The following SLC25A21 variants were observed in gnomAD, a reference collection of about 807,000 sequenced individuals.
SLC25A21 encodes the protein mitochondrial 2-oxodicarboxylate carrier.
SLC25A21 carries 47 observed loss-of-function variants against 43.8 expected under a neutral mutation model. The ratio of observed to expected loss-of-function variants is 1.07; its 90% CI spans 0.85 to 1.37. The LOEUF is 1.37. Ranked by LOEUF, SLC25A21 falls within the 40% of genes most tolerant of loss-of-function variation. The pLI is 0.00. For synonymous variants in SLC25A21, 131 were observed against 121.3 expected, an observed-to-expected ratio of 1.08 and a Z score of -0.52; for missense variants, 352 against 350.2, an observed-to-expected ratio of 1.00 and a Z score of -0.04.
At chr14:37,153,566 G>A (rs1167507760) in intron 1 of SLC25A21, among the ~76,000 whole-genome samples, 1 of 152,224 alleles carries the variant, frequency 6.6e-6, no homozygotes, top group Non-Finnish European at 1.5e-5. Flanking sequence ...AGGGTAGGGG[G>A]TGAACCCCCA....
chr14:36,974,569 G>A (rs1008428490), intron 1 of SLC25A21, among the ~76,000 whole-genome samples: 1 of 152,110 alleles, frequency 6.6e-6, no homozygotes, highest in South Asian at 2.1e-4. Context: ...GGGCCATTTT[G>A]AAATCCAATT....
At chr14:36,715,175 T>G (rs1884071353) in intron 6 of SLC25A21, among the ~76,000 whole-genome samples, 1 of 152,224 alleles carries the variant, frequency 6.6e-6, no homozygotes, top group Non-Finnish European at 1.5e-5. Flanking sequence ...TATATTTTTC[T>G]GGCAAATGGA....
intron 1 of SLC25A21, among the ~76,000 whole-genome samples, chr14:37,136,620 T>C (rs915183409): frequency 2.6e-5 from 4 of 152,176 alleles, no homozygotes; most frequent in African/African-American, 9.7e-5. Context: ...ATAGCAGCAT[T>C]ATTCATAATT....
Position 37,154,782 on chromosome 14 carries a change from A to G in SLC25A21, c.70+17499T>C, listed in dbSNP as rs150950636. ...CTCAGCCTCCCGAGTAGCTAGGATTACAGGCATGCACCACCACACCCAGCT... is the reference window on the plus strand; with the variant it reads ...CTCAGCCTCCCGAGTAGCTAGGATTGCAGGCATGCACCACCACACCCAGCT... On this transcript the variant is annotated intron_variant, in intron 1 of 9. Coordinates refer to ENST00000331299, the MANE Select transcript of SLC25A21 (RefSeq NM_030631.4). 2.3e-3 allele frequency among the ~76,000 whole-genome samples: 353 copies of G among 151,152 alleles called. 1 individual carries two copies. The highest frequency in any genetic ancestry group is 8.2e-3 in the African/African-American group (336 of 41,204).
At chr14:37,014,146 T>A (rs142698207) in intron 1 of SLC25A21, among the ~76,000 whole-genome samples, 2 of 152,266 alleles carry the variant, frequency 1.3e-5, no homozygotes, top group African/African-American at 4.8e-5. Context: ...TTGGGGCAGC[T>A]GTGGCAGTTT....
intron 8 of SLC25A21, 131 bp downstream of exon 8, chr14:36,684,613 A>T: frequency 1.3e-6 from 1 of 766,830 alleles, no homozygotes. Context: ...TTTGTCATAT[A>T]TATTCGCAGT....
At chr14:36,736,178 G>T (rs867961378) in intron 3 of SLC25A21, among the ~76,000 whole-genome samples, 1 of 151,918 alleles carries the variant, frequency 6.6e-6, no homozygotes, top group South Asian at 2.1e-4. Flanking sequence ...CTCGTGATCC[G>T]CCTGCCTTGG....
At chr14:36,793,485 G>A (rs2138404994) in intron 3 of SLC25A21, among the ~76,000 whole-genome samples, 1 of 144,648 alleles carries the variant, frequency 6.9e-6, no homozygotes, top group Non-Finnish European at 1.5e-5. Context: ...AATAGAAGAA[G>A]CCTCTCCCAT....
intron 1 of SLC25A21, among the ~76,000 whole-genome samples, chr14:37,050,587 T>C (rs988482102): frequency 2.0e-5 from 3 of 152,220 alleles, no homozygotes; most frequent in African/African-American, 7.2e-5. Context: ...CCACGTATTC[T>C]AGTGAATGTC....
intron 3 of SLC25A21, among the ~76,000 whole-genome samples, chr14:36,801,974 C>T (rs1887884711): frequency 6.6e-6 from 1 of 152,144 alleles, no homozygotes; most frequent in Non-Finnish European, 1.5e-5. Context: ...CATCATTTGC[C>T]AGCGGCGAAG....
chr14:37,168,879 C>T (rs1964074724), intron 1 of SLC25A21, among the ~76,000 whole-genome samples: 1 of 152,130 alleles, frequency 6.6e-6, no homozygotes, highest in African/African-American at 2.4e-5. Context: ...CATAATCTGG[C>T]CTGAGTCTTG....
intron 1 of SLC25A21, among the ~76,000 whole-genome samples, chr14:36,973,612 C>A (rs962955838): frequency 5.6e-4 from 85 of 152,334 alleles, no homozygotes; most frequent in African/African-American, 1.9e-3. Flanking sequence ...TGGAGCCAAT[C>A]TCCTAGAGTT....
rs915852313 is a variant in SLC25A21, at chr14:36,733,650, A to G, written c.270+857T>C. Among the ~76,000 whole-genome samples, 5 of 152,188 alleles carry G rather than the reference A, an allele frequency of 3.3e-5. No individual in the cohort carries two copies. The South Asian group carries it at 1.0e-3, about 32-fold the overall frequency. ...GGAGTACTGCGAATACATTTCACACACATGAGTAATGTATGTGAAAAAAAA... is the reference window on the plus strand; with the variant it reads ...GGAGTACTGCGAATACATTTCACACGCATGAGTAATGTATGTGAAAAAAAA... On this transcript the variant is annotated intron_variant, in intron 4 of 9. Transcript: ENST00000331299.
Position 36,711,282 on chromosome 14 carries a change from T to C in SLC25A21, c.603+36A>G, listed in dbSNP as rs1883850345. ...AACGGAGCTATCATCACTGATAGGA[T>C]TTTTCCTCCAGGATTTTAATTTATT... is the stretch of plus-strand genomic sequence containing the variant. On this transcript the variant is annotated intron_variant, in intron 7 of 9. Coordinates refer to ENST00000331299, the MANE Select transcript of SLC25A21 (RefSeq NM_030631.4). The C allele has an allele frequency of 1.9e-6, 3 of 1,599,808 alleles. No individual in the cohort carries two copies. In the East Asian group the frequency reaches 6.7e-5, roughly 36 times the overall value.
intron 9 of SLC25A21, among the ~76,000 whole-genome samples, chr14:36,683,334 G>T (rs1298539368): frequency 6.6e-6 from 1 of 152,238 alleles, no homozygotes. Context: ...TAAGCAGCTA[G>T]TTACGGTGTC....
At chr14:37,104,097 T>C (rs1962868184) in intron 1 of SLC25A21, among the ~76,000 whole-genome samples, 1 of 152,184 alleles carries the variant, frequency 6.6e-6, no homozygotes, top group African/African-American at 2.4e-5. Context: ...TCTTCAGAAA[T>C]GGACACCAAT....
chr14:36,949,578 T>G (rs890776981), intron 1 of SLC25A21, among the ~76,000 whole-genome samples: 1 of 152,222 alleles, frequency 6.6e-6, no homozygotes, highest in Non-Finnish European at 1.5e-5. Context: ...CCTGGCCCCA[T>G]GCCTACTCAA....
intron 2 of SLC25A21, among the ~76,000 whole-genome samples, chr14:36,857,209 G>C (rs1195290495): frequency 6.6e-6 from 1 of 152,200 alleles, no homozygotes; most frequent in Non-Finnish European, 1.5e-5. Flanking sequence ...AGCCTCAGCT[G>C]CAGTGGAGCT....
At chr14:36,770,957 C>T (rs1886597708) in intron 3 of SLC25A21, among the ~76,000 whole-genome samples, 1 of 152,130 alleles carries the variant, frequency 6.6e-6, no homozygotes, top group Non-Finnish European at 1.5e-5. Context: ...AATACTAGTA[C>T]ACCTCTCCTC....
Sources: allele counts gnomAD v4.1 joint callset (sites outside exome capture counted in the v4.1 genomes callset), GRCh38; gene constraint gnomAD v4.1.1; transcripts MANE v1.5; gene names NCBI Gene and HGNC (gene_info 2026-07-23, HGNC 2026-07-21).